ABLIM3: variants seen among roughly 807,000 people sequenced by gnomAD.
The protein encoded by ABLIM3 is actin binding LIM protein family member 3.
In ABLIM3, 61 loss-of-function variants were observed where a neutral mutation model predicts 109.5. The ratio of observed to expected loss-of-function variants is 0.56; its 90% confidence interval spans 0.45 to 0.69. The LOEUF is 0.69. ABLIM3 is among the 30% of genes least tolerant of loss of function. The probability of loss-of-function intolerance (pLI) is 0.00; values close to 1 mark genes in which losing one functional copy is unlikely to be tolerated. For synonymous variants in ABLIM3, 300 were observed against 324.8 expected (o/e 0.92, Z 0.82); for missense variants, 796 against 889.5 (o/e 0.89, Z 1.34).
chr5:149,210,333 C>T (rs987902147), intron 6 of ABLIM3, among the ~76,000 whole-genome samples: 5 of 152,188 alleles, frequency 3.3e-5, no homozygotes, highest in Non-Finnish European at 7.3e-5. Flanking sequence ...GGTTTTCTCA[C>T]CTACACAATG....
chr5:149,185,002 T>G (rs1308310380), intron 3 of ABLIM3, among the ~76,000 whole-genome samples: 1 of 152,152 alleles, frequency 6.6e-6, no homozygotes, highest in Non-Finnish European at 1.5e-5. Context: ...TCTTGGTGAG[T>G]GATTATTTTT....
chr5:149,251,406 C>T lies in ABLIM3; in HGVS notation c.1836C>T (p.Asn612=). The T allele has an allele frequency of 5.6e-6, 9 of 1,614,146 alleles. No homozygotes were observed. The highest frequency in any genetic ancestry group is 7.6e-6 in the Non-Finnish European group (9 of 1,180,012). The change falls in exon 21 of 24, where the codon AAC becomes AAT. Residue 612 remains asparagine, a synonymous_variant. Coordinates refer to ENST00000309868, the MANE Select transcript of ABLIM3 (RefSeq NM_014945.5). ...LFHYDSMNAV[N]WGMREYKIYP... ...ACTACGACAGCATGAACGCAGTCAACTGGGGCATGCGAGGTGAGTGCAGGC... is the reference window on the plus strand; with the variant it reads ...ACTACGACAGCATGAACGCAGTCAATTGGGGCATGCGAGGTGAGTGCAGGC...
intron 2 of ABLIM3, among the ~76,000 whole-genome samples, chr5:149,165,412 G>A (rs774483355): frequency 3.3e-5 from 5 of 152,004 alleles, no homozygotes; most frequent in Non-Finnish European, 5.9e-5. Context: ...CATTTTATTG[G>A]AATACATTTA....
At chr5:149,240,409 T>C in intron 13 of ABLIM3, 1 of 524,622 alleles carries the variant, frequency 1.9e-6, no homozygotes. Context: ...CTAACATGCC[T>C]TCCTGGAGCT....
At chr5:149,181,314 C>G (rs1756434462) in intron 2 of ABLIM3, among the ~76,000 whole-genome samples, 1 of 149,724 alleles carries the variant, frequency 6.7e-6, no homozygotes, top group Admixed American at 6.7e-5. Flanking sequence ...GGAAGGATTG[C>G]TCAGAGCTGT....
chr5:149,166,626 C>T (rs907959175), intron 2 of ABLIM3, among the ~76,000 whole-genome samples: 3 of 152,172 alleles, frequency 2.0e-5, no homozygotes, highest in African/African-American at 7.2e-5. Context: ...ACTCTTTAAC[C>T]CCCAGTCTAA....
chr5:149,240,904 C>A, intron 14 of ABLIM3, 130 bp downstream of exon 14: 1 of 773,368 alleles, frequency 1.3e-6, no homozygotes, highest in Admixed American at 2.1e-5. Context: ...TAACCAAGCA[C>A]CTGCACCAAC....
chr5:149,211,142 TTTTA>T (rs558382170), intron 7 of ABLIM3, among the ~76,000 whole-genome samples: 5 of 138,610 alleles, frequency 3.6e-5, no homozygotes, highest in South Asian at 2.2e-4. Flanking sequence ...AGGAAGTCTT[TTTTA>T]TTTATTTATT....
chr5:149,247,631 A>G (rs1455142263), intron 17 of ABLIM3, 151 bp from the exon 18 acceptor site: 1 of 994,158 alleles, frequency 1.0e-6, no homozygotes, highest in Non-Finnish European at 1.5e-6. Context: ...AACAGGAAAC[A>G]TGGGTGCCAC....
intron 8 of ABLIM3, among the ~76,000 whole-genome samples, chr5:149,225,954 TA>T (rs1263513159): frequency 8.6e-5 from 11 of 127,334 alleles, no homozygotes; most frequent in African/African-American, 2.6e-4. Flanking sequence ...TGTATGTATA[TA>T]ATATGTGTGT....
At chr5:149,253,021 G>T (rs140770136) in intron 23 of ABLIM3, among the ~76,000 whole-genome samples, 184 bp downstream of exon 23, 131 of 151,970 alleles carry the variant, frequency 8.6e-4, no homozygotes, top group Admixed American at 2.8e-3. Flanking sequence ...CCCCAAAACT[G>T]TCCCATGCTG....
In ABLIM3 at chr5:149,183,598, C is replaced by A; in HGVS notation, c.151+9C>A. 6.6e-7 allele frequency: 1 copy of A among 1,525,094 alleles called. No homozygotes were observed. The highest frequency in any genetic ancestry group is 8.8e-7 in the Non-Finnish European group (1 of 1,135,560). 94.5% of individuals were successfully genotyped at this position (1,525,094 alleles called of 1,614,324 possible). A position where few individuals can be genotyped will look rare whatever the true frequency, so the allele number is the denominator to read the frequency against. ...ATGCTTCACCTGTCAAGGTAGGAGG[C>A]TCAGCTCCCCCACTCTCTTCTTAGA... On this transcript the variant is annotated intron_variant, in intron 3 of 23. Transcript: ENST00000309868.
intron 17 of ABLIM3, among the ~76,000 whole-genome samples, chr5:149,246,944 T>C (rs759283387): frequency 1.5e-4 from 23 of 152,210 alleles, no homozygotes; most frequent in Non-Finnish European, 2.8e-4. Context: ...GCAATTCCAC[T>C]CCTAGATATA....
chr5:149,145,197 G>A (rs1407903808), intron 2 of ABLIM3, among the ~76,000 whole-genome samples: 2 of 152,098 alleles, frequency 1.3e-5, no homozygotes, highest in African/African-American at 4.8e-5. Context: ...TTATGTCCAT[G>A]AGTACTTAAT....
Position 149,239,858 on chromosome 5 carries a change from T to C in ABLIM3, c.1174T>C (p.Ser392Pro). ...CCGGCAGGGCATGTCCCCCACCTTCTCCCGCTCACCTCACCACTACTACCG... is the reference window on the plus strand; with the variant it reads ...CCGGCAGGGCATGTCCCCCACCTTCCCCCGCTCACCTCACCACTACTACCG... The part of the protein sequence containing the change: ...YSRQGMSPTF[S>P]RSPHHYYRSG... Residue 392 changes from serine (S) to proline (P), a missense_variant, in exon 13 of 24, where the codon TCC becomes CCC. Transcript: ENST00000309868. 1 of 1,609,826 alleles carries C rather than the reference T, an allele frequency of 6.2e-7. No individual in the cohort carries two copies. Among genetic ancestry groups the C allele is most frequent in the Non-Finnish European group, 8.5e-7 (1 of 1,177,876 alleles).
chr5:149,146,319 T>C (rs1752920836), intron 2 of ABLIM3, among the ~76,000 whole-genome samples: 1 of 152,234 alleles, frequency 6.6e-6, no homozygotes, highest in African/African-American at 2.4e-5. Context: ...TTTAGTTTAA[T>C]TAGGTCCCAG....
At chr5:149,243,210 A>G (rs191616695) in intron 15 of ABLIM3, 55 of 152,526 alleles carry the variant, frequency 3.6e-4, no homozygotes, top group African/African-American at 1.2e-3. Flanking sequence ...AGACTCCCTT[A>G]ATTATAAATA....
intron 8 of ABLIM3, among the ~76,000 whole-genome samples, chr5:149,229,129 G>A (rs1192706832): frequency 2.6e-5 from 4 of 152,110 alleles, no homozygotes; most frequent in Admixed American, 6.5e-5. Context: ...AACCGGAAAC[G>A]CTCTCTCTAA....
At chr5:149,249,043 G>C (rs1316906948) in intron 18 of ABLIM3, among the ~76,000 whole-genome samples, 2 of 152,164 alleles carry the variant, frequency 1.3e-5, no homozygotes, top group African/African-American at 4.8e-5. Context: ...TTACACTCCT[G>C]GTAGAGCTGC....
Sources: allele counts gnomAD v4.1 joint callset (sites outside exome capture counted in the v4.1 genomes callset), GRCh38; gene constraint gnomAD v4.1.1; transcripts MANE v1.5; gene names NCBI Gene and HGNC (gene_info 2026-07-23, HGNC 2026-07-21).